AGBL2: variants seen among roughly 807,000 people sequenced by gnomAD.
AGBL2 encodes AGBL carboxypeptidase 2, also known as cytosolic carboxypeptidase 2.
AGBL2 carries 87 observed loss-of-function variants against 103.0 expected under a neutral mutation model. The observed-to-expected ratio is 0.84, with a 90% confidence interval of 0.71 to 1.01. The LOEUF is 1.01. Among genes scored for constraint, AGBL2 ranks in the 50% least tolerant of loss-of-function variants. The probability of loss-of-function intolerance (pLI) is 0.00; values close to 1 mark genes in which losing one functional copy is unlikely to be tolerated. For missense variants in AGBL2, 904 were observed against 1,023.5 expected, an observed-to-expected ratio of 0.88 and a Z score of 1.59; for synonymous variants, 335 against 356.7, an observed-to-expected ratio of 0.94 and a Z score of 0.69.
rs1422204404 is a variant in AGBL2, at chr11:47,710,659, A to G, written c.98-148T>C. 3.3e-6 allele frequency: 3 copies of G among 907,484 alleles called. No individual in the cohort carries two copies. The South Asian group carries it at 4.2e-5, about 13-fold the overall frequency. 56.2% of individuals were successfully genotyped at this position (907,484 alleles called of 1,614,324 possible). ...ACACTGCATTTTTCAAAGAGCTTTCATATTCCAACTTATGTGAGTGAAGCA... is the reference window on the plus strand; with the variant it reads ...ACACTGCATTTTTCAAAGAGCTTTCGTATTCCAACTTATGTGAGTGAAGCA... On this transcript the variant is annotated intron_variant, in intron 3 of 18. Coordinates refer to ENST00000525123, the MANE Select transcript of AGBL2 (RefSeq NM_024783.4).
intron 10 of AGBL2, among the ~76,000 whole-genome samples, chr11:47,686,733 G>A (rs1392295622): frequency 6.6e-6 from 1 of 151,554 alleles, no homozygotes; most frequent in African/African-American, 2.4e-5. Flanking sequence ...GGCTGAGGTG[G>A]GTGGATCACC....
chr11:47,705,821 A>G lies in AGBL2; in HGVS notation c.286+43T>C, dbSNP rs769259120. 1.9e-6 allele frequency: 3 copies of G among 1,583,204 alleles called. No individual in the cohort carries two copies. In the South Asian group the frequency reaches 3.3e-5, roughly 18 times the overall value. On this transcript the variant is annotated intron_variant, in intron 5 of 18. Coordinates refer to ENST00000525123, the MANE Select transcript of AGBL2 (RefSeq NM_024783.4). ...CAGCAGGTGATGAAGACATAGTCCA[A>G]AAAAGGAGCTTGAATCTTCTGGTCT...
chr11:47,696,028 A>G (rs1184940223), intron 8 of AGBL2, among the ~76,000 whole-genome samples: 66 of 8,216 alleles, frequency 8.0e-3, no homozygotes, highest in Non-Finnish European at 0.017. Context: ...AAAAAAAAAA[A>G]AAAAAAAAGA....
chr11:47,688,748 G>A (rs2097433807), intron 10 of AGBL2, among the ~76,000 whole-genome samples: 1 of 152,062 alleles, frequency 6.6e-6, no homozygotes, highest in South Asian at 2.1e-4. Context: ...CTCAAACTCA[G>A]GCCTGTCTGA....
At chr11:47,697,292 C>T (rs1248709446) in intron 8 of AGBL2, among the ~76,000 whole-genome samples, 1 of 149,212 alleles carries the variant, frequency 6.7e-6, no homozygotes, top group Non-Finnish European at 1.5e-5. Flanking sequence ...GGCTGGAGTG[C>T]AGTGGCACAA....
chr11:47,692,404 CTTTTTTT>C (rs11286504), intron 8 of AGBL2, 148 bp from the exon 9 acceptor site: 60 of 99,012 alleles, frequency 6.1e-4, no homozygotes, highest in Middle Eastern at 5.9e-3. Flanking sequence ...GACTTTTAAT[CTTTTTTT>C]TTTTTTTTTT....
intron 16 of AGBL2, 45 bp downstream of exon 16, chr11:47,667,526 T>C: frequency 6.2e-7 from 1 of 1,601,652 alleles, no homozygotes; most frequent in Non-Finnish European, 8.5e-7. Context: ...CTCTATGGAA[T>C]GGTCTGAAAC....
Position 47,690,271 on chromosome 11 carries a change from A to G in AGBL2, c.1436T>C (p.Ile479Thr). ...SWVMKGFLDF[I>T]LSNSPDAQLL... The stretch of plus-strand genomic sequence containing the variant: ...CTGGGCATCTGGGGAGTTGCTAAGG[A>G]TGAAGTCCAAAAAGCCTTTCATAAC... The change falls in exon 10 of 19, where the codon ATC becomes ACC. Residue 479 changes from isoleucine (I) to threonine (T), a missense_variant. Ile to Thr is a moderately conservative substitution (Grantham distance 89, BLOSUM62 -1). Coordinates refer to ENST00000525123, the MANE Select transcript of AGBL2 (RefSeq NM_024783.4). 6.2e-7 allele frequency: 1 copy of G among 1,613,928 alleles called. No individual in the cohort carries two copies. Among genetic ancestry groups the G allele is most frequent in the Non-Finnish European group, 8.5e-7 (1 of 1,179,988 alleles).
rs200667850 is a variant in AGBL2, at chr11:47,690,378, G to T, written c.1329C>A (p.Ser443=). 1 of 1,614,146 alleles carries T rather than the reference G, an allele frequency of 6.2e-7. No individual in the cohort carries two copies. Among genetic ancestry groups the T allele is most frequent in the Non-Finnish European group, 8.5e-7 (1 of 1,180,024 alleles). Residue 443 remains serine (S), a synonymous_variant, in exon 10 of 19, where the codon TCC becomes TCA. Transcript: ENST00000525123. The part of the protein sequence containing the change: ...TVYLLTITNP[S]QTPQEAAAKK... ...TTGCAGCTGCCTCTTGAGGGGTCTGGGATGGGTTGGTGATGGTGAGCAAGT... is the reference window on the plus strand; with the variant it reads ...TTGCAGCTGCCTCTTGAGGGGTCTGTGATGGGTTGGTGATGGTGAGCAAGT...
Position 47,714,343 on chromosome 11 carries a change from A to T in AGBL2, c.38T>A (p.Ile13Asn). Residue 13 changes from isoleucine to asparagine, a missense_variant, in exon 3 of 19, where the codon ATT becomes AAT. By Grantham distance (149) the Ile-to-Asn change is moderately radical. Transcript: ENST00000525123. ...PALETHLKQT[I>N]PDPYEDFMYR... ...CATAAAGTCTTCATAAGGATCAGGA[A>T]TAGTCTGTGAAAGGAAAGGCCACTT... The T allele has an allele frequency of 6.2e-7, 1 of 1,612,906 alleles. No homozygotes were observed. Among genetic ancestry groups the T allele is most frequent in the Non-Finnish European group, 8.5e-7 (1 of 1,179,348 alleles).
rs769193517 is a variant in AGBL2 at position 47,663,087 on chromosome 11, TC to T, written c.2473del (p.Asp825ThrfsTer11). 1 of 1,592,976 alleles carries T rather than the reference TC, an allele frequency of 6.3e-7. No homozygotes were observed. The highest frequency in any genetic ancestry group is 1.2e-5 in the South Asian group (1 of 86,254). ...GGCCATTGATGGGTCCAGGGGGGTG[TC>T]TTTGTCTCTTCTATTTAAATTTGTC... is the stretch of plus-strand genomic sequence containing the variant. ...NETNLNRRDK[D>X]TPLDPSMATL... On this transcript the variant is annotated frameshift_variant, in exon 18 of 19. Coordinates refer to ENST00000525123, the MANE Select transcript of AGBL2 (RefSeq NM_024783.4). LOFTEE classifies it high-confidence loss of function.
chr11:47,674,427 C>T (rs997058507), intron 14 of AGBL2, among the ~76,000 whole-genome samples: 3 of 151,742 alleles, frequency 2.0e-5, no homozygotes, highest in Admixed American at 6.6e-5. Context: ...ATTAGCCAGG[C>T]GTGGTGGCGT....
intron 10 of AGBL2, 123 bp from the exon 11 acceptor site, chr11:47,686,172 TC>T (rs2097422855): frequency 5.1e-6 from 5 of 984,524 alleles, no homozygotes; most frequent in East Asian, 5.3e-5. Flanking sequence ...AAATCTCAAC[TC>T]CATTGGCCTT....
At position 47,699,523 on chromosome 11, in the gene AGBL2, T is replaced by C. The variant is rs1295687059; in HGVS notation, c.617A>G (p.Tyr206Cys). Residue 206 changes from tyrosine to cysteine, a missense_variant, in exon 8 of 19, where the codon TAT becomes TGT. Tyr to Cys is a radical substitution (Grantham distance 194). Transcript: ENST00000525123. ...EWAPPQPEYF[Y>C]QPKGNEKVPE... ...TACCTTTTCATTTCCTTTAGGCTGA[T>C]AGAAATATTCTGGTTGAGGTGGAGC... 1 of 1,609,092 alleles carries C rather than the reference T, an allele frequency of 6.2e-7. No homozygotes were observed. Among genetic ancestry groups the C allele is most frequent in the Non-Finnish European group, 8.5e-7 (1 of 1,177,888 alleles).
At chr11:47,711,553 T>C (rs1053828122) in intron 3 of AGBL2, among the ~76,000 whole-genome samples, 1 of 152,138 alleles carries the variant, frequency 6.6e-6, no homozygotes, top group Non-Finnish European at 1.5e-5. Flanking sequence ...TCTCTCCCCA[T>C]GAAGAGGGTA....
intron 4 of AGBL2, among the ~76,000 whole-genome samples, chr11:47,708,594 T>C: frequency 6.7e-6 from 1 of 150,272 alleles, no homozygotes; most frequent in Middle Eastern, 3.2e-3. Context: ...GGCAGGCGGG[T>C]CGCGAGGTCA....
chr11:47,681,000 A>G (rs2097399201), intron 12 of AGBL2, among the ~76,000 whole-genome samples: 1 of 152,146 alleles, frequency 6.6e-6, no homozygotes, highest in South Asian at 2.1e-4. Flanking sequence ...CTCACTAAGC[A>G]GTACCTACAA....
At chr11:47,704,519 AC>A (rs2097510539) in intron 7 of AGBL2, 23 bp downstream of exon 7, 5 of 1,563,268 alleles carry the variant, frequency 3.2e-6, no homozygotes, top group Non-Finnish European at 4.3e-6. Context: ...GAATAGCAAG[AC>A]CACTGTGAGT....
At chr11:47,693,443 C>T (rs904306610) in intron 8 of AGBL2, among the ~76,000 whole-genome samples, 4 of 152,100 alleles carry the variant, frequency 2.6e-5, no homozygotes, top group African/African-American at 7.2e-5. Flanking sequence ...TTGAGTGTGG[C>T]TATACAGTTA....
Sources: gnomAD v4.1 joint callset for allele counts (sites outside exome capture counted in the v4.1 genomes callset) on GRCh38, gnomAD v4.1.1 for gene constraint, MANE v1.5 for transcripts, NCBI Gene and HGNC (gene_info 2026-07-23, HGNC 2026-07-21) for gene names.